The following HHAT variants were observed in gnomAD, a reference collection of about 807,000 sequenced individuals.
HHAT encodes the protein hedgehog acyltransferase, also known as protein-cysteine N-palmitoyltransferase HHAT.
HHAT carries 47 observed loss-of-function variants against 70.8 expected under a neutral mutation model. That is an observed-to-expected ratio of 0.66 (90% CI 0.53 to 0.85). The LOEUF (loss-of-function observed/expected upper bound fraction) is 0.85. Ranked by LOEUF, HHAT falls within the 40% of genes least tolerant of loss-of-function variation. HHAT has a pLI of 0.00. For synonymous variants in HHAT, 228 were observed against 247.6 expected, an observed-to-expected ratio of 0.92 and a Z score of 0.74; for missense variants, 609 against 604.8, an observed-to-expected ratio of 1.01 and a Z score of -0.07.
intron 6 of HHAT, among the ~76,000 whole-genome samples, chr1:210,417,477 T>G (rs1472488603): frequency 1.3e-5 from 2 of 152,170 alleles, no homozygotes; most frequent in African/African-American, 4.8e-5. Flanking sequence ...TCAGGTGATC[T>G]GCCCACCTGG....
At chr1:210,438,395 C>CT (rs1243455050) in intron 7 of HHAT, among the ~76,000 whole-genome samples, 1 of 151,782 alleles carries the variant, frequency 6.6e-6, no homozygotes, top group African/African-American at 2.4e-5. Flanking sequence ...CCGAAGAGGT[C>CT]TACCAAAGCT....
At position 210,647,075 on chromosome 1, in the gene HHAT, C is replaced by T. The variant is rs1674205634; in HGVS notation, c.1390+23405C>T. Among the ~76,000 whole-genome samples, 3 of 152,274 alleles carry T rather than the reference C, an allele frequency of 2.0e-5. No individual in the cohort carries two copies. In the South Asian group the frequency reaches 6.2e-4, roughly 32 times the overall value. ...TAGGTAACAGAAATTTATTCTCTCC[C>T]AGTTCTGGAGGCTTGAAGTCCATAA... On this transcript the variant is annotated intron_variant, in intron 11 of 11. Transcript: ENST00000261458.
intron 3 of HHAT, among the ~76,000 whole-genome samples, chr1:210,368,816 G>T (rs940166697): frequency 6.6e-6 from 1 of 150,478 alleles, no homozygotes; most frequent in South Asian, 2.1e-4. Context: ...AGTGGCTCAC[G>T]CCTGTAATCC....
At chr1:210,612,974 G>C (rs1414385827) in intron 10 of HHAT, among the ~76,000 whole-genome samples, 1 of 151,944 alleles carries the variant, frequency 6.6e-6, no homozygotes, top group Non-Finnish European at 1.5e-5. Context: ...GGATTTTTTT[G>C]GTTGTTGTGT....
intron 9 of HHAT, among the ~76,000 whole-genome samples, chr1:210,545,436 C>CTTTTTTTTT (rs71571956): frequency 7.9e-6 from 1 of 127,192 alleles, no homozygotes; most frequent in African/African-American, 3.0e-5. Context: ...CTTTTTTTTC[C>CTTTTTTTTT]TTTTTTTTTT....
intron 8 of HHAT, among the ~76,000 whole-genome samples, chr1:210,508,870 T>A (rs949170122): frequency 6.6e-6 from 1 of 152,226 alleles, no homozygotes; most frequent in Non-Finnish European, 1.5e-5. Flanking sequence ...TTGCAAGGAG[T>A]GTGCTTTTTA....
intron 9 of HHAT, among the ~76,000 whole-genome samples, chr1:210,526,137 G>A (rs1195309479): frequency 1.3e-5 from 2 of 152,118 alleles, no homozygotes; most frequent in African/African-American, 2.4e-5. Context: ...TGGTGACACC[G>A]AGCTTGGAGG....
intron 8 of HHAT, among the ~76,000 whole-genome samples, chr1:210,511,343 G>A (rs1445131903): frequency 6.6e-6 from 1 of 152,150 alleles, no homozygotes; most frequent in Non-Finnish European, 1.5e-5. Context: ...TAGTAAATGA[G>A]GTCTGTCATG....
At chr1:210,344,094 G>A (rs112116891) in intron 1 of HHAT, among the ~76,000 whole-genome samples, 1 of 152,118 alleles carries the variant, frequency 6.6e-6, no homozygotes, top group South Asian at 2.1e-4. Context: ...CCCACAGGTG[G>A]GTTTGGTGCC....
At chr1:210,544,747 G>A (rs2095468354) in intron 9 of HHAT, among the ~76,000 whole-genome samples, 1 of 152,080 alleles carries the variant, frequency 6.6e-6, no homozygotes, top group Non-Finnish European at 1.5e-5. Flanking sequence ...TCTTATAGGT[G>A]TCCTTCCGCT....
At chr1:210,341,277 T>C (rs1355086197) in intron 1 of HHAT, among the ~76,000 whole-genome samples, 1 of 152,202 alleles carries the variant, frequency 6.6e-6, no homozygotes, top group Non-Finnish European at 1.5e-5. Context: ...GCCCATTTAG[T>C]GCTTGATATC....
At chr1:210,512,857 C>A (rs78172233) in intron 8 of HHAT, among the ~76,000 whole-genome samples, 1 of 152,048 alleles carries the variant, frequency 6.6e-6, no homozygotes, top group African/African-American at 2.4e-5. Context: ...GAGACACTTA[C>A]GCTACTAGAG....
intron 9 of HHAT, among the ~76,000 whole-genome samples, chr1:210,584,215 T>C (rs1056051193): frequency 3.3e-5 from 5 of 151,952 alleles, no homozygotes; most frequent in African/African-American, 1.2e-4. Context: ...GTGCTGGGAT[T>C]ACAGGCGTGA....
At chr1:210,533,490 C>A (rs1338391114) in intron 9 of HHAT, among the ~76,000 whole-genome samples, 1 of 152,196 alleles carries the variant, frequency 6.6e-6, no homozygotes, top group Non-Finnish European at 1.5e-5. Context: ...TGCTCTTGGG[C>A]TTATGTCTGG....
At chr1:210,516,807 G>A (rs1156939611) in intron 9 of HHAT, among the ~76,000 whole-genome samples, 1 of 152,012 alleles carries the variant, frequency 6.6e-6, no homozygotes, top group Non-Finnish European at 1.5e-5. Flanking sequence ...AAGTCATGTC[G>A]ACTTCTCTGG....
At chr1:210,377,952 G>T (rs1452145294) in intron 3 of HHAT, among the ~76,000 whole-genome samples, 1 of 152,260 alleles carries the variant, frequency 6.6e-6, no homozygotes, top group African/African-American at 2.4e-5. Context: ...GGTTTTATTA[G>T]TGGAAGCATT....
chr1:210,544,367 G>GTTTTTTTTTTTTTTTTTT (rs569514246), intron 9 of HHAT, among the ~76,000 whole-genome samples: 1 of 90,054 alleles, frequency 1.1e-5, no homozygotes, highest in African/African-American at 4.3e-5. Context: ...TCTTTCTTTC[G>GTTTTTTTTTTTTTTTTTT]TTTTTTTTTT....
intron 3 of HHAT, among the ~76,000 whole-genome samples, chr1:210,379,416 AT>A (rs1272865443): frequency 1.3e-5 from 2 of 152,224 alleles, no homozygotes; most frequent in East Asian, 3.8e-4. Context: ...AGAGGAGTAA[AT>A]AGTCATGGTT....
intron 2 of HHAT, among the ~76,000 whole-genome samples, chr1:210,359,443 A>G (rs2088007552): frequency 6.6e-6 from 1 of 152,074 alleles, no homozygotes; most frequent in Admixed American, 6.5e-5. Flanking sequence ...TGCTTGAGAT[A>G]TTTTGCAGAC....
Sources: gnomAD v4.1 joint callset for allele counts (sites outside exome capture counted in the v4.1 genomes callset) on GRCh38, gnomAD v4.1.1 for gene constraint, MANE v1.5 for transcripts, NCBI Gene and HGNC (gene_info 2026-07-23, HGNC 2026-07-21) for gene names.